SGCZ: variants seen among roughly 807,000 people sequenced by gnomAD.
SGCZ encodes zeta-sarcoglycan.
In SGCZ, 40 loss-of-function variants were observed where a neutral mutation model predicts 41.3. That is an observed-to-expected ratio of 0.97 (90% CI 0.75 to 1.26). The LOEUF (loss-of-function observed/expected upper bound fraction) is 1.26. Ranked by LOEUF, SGCZ falls within the 50% of genes most tolerant of loss-of-function variation. The pLI is 0.00. For synonymous variants in SGCZ, 206 were observed against 137.5 expected, an observed-to-expected ratio of 1.50 and a Z score of -3.49; for missense variants, 552 against 369.8, an observed-to-expected ratio of 1.49 and a Z score of -4.04.
At chr8:15,095,189 C>G (rs1168395727) in intron 1 of SGCZ, among the ~76,000 whole-genome samples, 1 of 152,146 alleles carries the variant, frequency 6.6e-6, no homozygotes, top group African/African-American at 2.4e-5. Flanking sequence ...ACCTCCATCT[C>G]CCGGGTTCAA....
At chr8:14,487,168 A>G (rs971167195) in intron 2 of SGCZ, among the ~76,000 whole-genome samples, 4 of 152,132 alleles carry the variant, frequency 2.6e-5, no homozygotes, top group Non-Finnish European at 5.9e-5. Flanking sequence ...CCTTAGCTGT[A>G]TGATCATGGT....
chr8:14,606,535 CA>C (rs1249384551), intron 1 of SGCZ, among the ~76,000 whole-genome samples: 3 of 152,182 alleles, frequency 2.0e-5, no homozygotes, highest in Non-Finnish European at 4.4e-5. Flanking sequence ...TGGCAGGAAT[CA>C]TATGACTATA....
chr8:14,728,147 C>T (rs1053881673), intron 1 of SGCZ, among the ~76,000 whole-genome samples: 4 of 152,028 alleles, frequency 2.6e-5, no homozygotes, highest in Non-Finnish European at 5.9e-5. Flanking sequence ...ATGTTCGAAA[C>T]TTTGTATGTG....
In SGCZ at chr8:14,329,898, C is replaced by A. The variant is rs142878249; in HGVS notation, c.235-5694G>T. 3.3e-5 allele frequency among the ~76,000 whole-genome samples: 5 copies of A among 152,060 alleles called. No individual in the cohort carries two copies. The East Asian group carries it at 5.8e-4, about 18-fold the overall frequency. On this transcript the variant is annotated intron_variant, in intron 2 of 7. Coordinates refer to ENST00000382080, the MANE Select transcript of SGCZ (RefSeq NM_139167.4). ...TCACTCAACTTATACTTCCACTAAA[C>A]TGTACTGCCAGCAGTTTTTTGTTTG...
chr8:14,808,981 C>CA (rs1159079986), intron 1 of SGCZ, among the ~76,000 whole-genome samples: 3 of 149,118 alleles, frequency 2.0e-5, no homozygotes, highest in Non-Finnish European at 4.4e-5. Flanking sequence ...ATCGCAAGAA[C>CA]AAAAAACCAA....
intron 1 of SGCZ, among the ~76,000 whole-genome samples, chr8:14,630,056 C>T (rs1806594318): frequency 6.6e-6 from 1 of 152,020 alleles, no homozygotes; most frequent in African/African-American, 2.4e-5. Context: ...AATGTCTTTT[C>T]CCCATTCCTT....
At chr8:14,512,905 C>T (rs181501407) in intron 2 of SGCZ, among the ~76,000 whole-genome samples, 1 of 152,160 alleles carries the variant, frequency 6.6e-6, no homozygotes, top group East Asian at 1.9e-4. Flanking sequence ...CTCCCAGCTA[C>T]CTCCCCTGGG....
At chr8:14,110,957 G>A (rs557092825) in intron 5 of SGCZ, among the ~76,000 whole-genome samples, 120 of 152,188 alleles carry the variant, frequency 7.9e-4, no homozygotes, top group Middle Eastern at 6.8e-3. Flanking sequence ...GGGAGGCTGA[G>A]GCAGGAGAAT....
intron 4 of SGCZ, among the ~76,000 whole-genome samples, chr8:14,181,797 C>T (rs1280323621): frequency 6.6e-6 from 1 of 152,206 alleles, no homozygotes; most frequent in Non-Finnish European, 1.5e-5. Context: ...GTCAGTTAAA[C>T]ATCTTCCCTT....
At chr8:14,216,417 C>T (rs1307296129) in intron 4 of SGCZ, among the ~76,000 whole-genome samples, 2 of 148,970 alleles carry the variant, frequency 1.3e-5, no homozygotes, top group Admixed American at 1.4e-4. Context: ...CAGCGTTACT[C>T]GGATAACAAA....
At chr8:14,559,977 C>T (rs1045721693) in intron 1 of SGCZ, among the ~76,000 whole-genome samples, 10 of 151,838 alleles carry the variant, frequency 6.6e-5, no homozygotes, top group Non-Finnish European at 1.2e-4. Flanking sequence ...GATAAGTTGC[C>T]AAGGAATTGA....
Position 14,976,636 on chromosome 8 carries a change from C to A in SGCZ, c.39+260949G>T, listed in dbSNP as rs142135762. ...GTTTCACTTGTAACAACGTCACTTT[C>A]ACCCTAGCAAGAGAATATTTGTGGC... is the stretch of plus-strand genomic sequence containing the variant. On this transcript the variant is annotated intron_variant, in intron 1 of 7. Transcript: ENST00000382080. 2.1e-3 allele frequency among the ~76,000 whole-genome samples: 318 copies of A among 152,244 alleles called. 1 individual carries two copies. The highest frequency in any genetic ancestry group is 7.2e-3 in the African/African-American group (298 of 41,542).
intron 1 of SGCZ, among the ~76,000 whole-genome samples, chr8:15,138,078 G>T (rs1277600329): frequency 6.6e-6 from 1 of 152,206 alleles, no homozygotes; most frequent in African/African-American, 2.4e-5. Context: ...GCATCAGCAT[G>T]ACTTGGCTGT....
chr8:14,189,052 T>C (rs1585214540), intron 4 of SGCZ, among the ~76,000 whole-genome samples: 2 of 144,330 alleles, frequency 1.4e-5, no homozygotes, highest in South Asian at 2.2e-4. Flanking sequence ...AGAGATGGGG[T>C]TTTACTATGT....
chr8:14,896,203 C>G (rs528981780), intron 1 of SGCZ, among the ~76,000 whole-genome samples: 4 of 152,250 alleles, frequency 2.6e-5, no homozygotes, highest in Non-Finnish European at 5.9e-5. Flanking sequence ...ATTGTTAATT[C>G]TCTTCCTCTC....
chr8:15,165,698 T>G (rs961432127), intron 1 of SGCZ, among the ~76,000 whole-genome samples: 1 of 152,182 alleles, frequency 6.6e-6, no homozygotes, highest in Non-Finnish European at 1.5e-5. Flanking sequence ...TGTTTTTTAA[T>G]CAAAGGTTAT....
chr8:15,130,825 G>C (rs1303760475), intron 1 of SGCZ, among the ~76,000 whole-genome samples: 1 of 152,092 alleles, frequency 6.6e-6, no homozygotes, highest in African/African-American at 2.4e-5. Flanking sequence ...GTATACAGAA[G>C]GGATATGAAT....
At chr8:14,479,675 G>C (rs1344184604) in intron 2 of SGCZ, among the ~76,000 whole-genome samples, 2 of 145,936 alleles carry the variant, frequency 1.4e-5, no homozygotes, top group Non-Finnish European at 3.0e-5. Context: ...AATTTAATGT[G>C]ATAAAAACTA....
intron 3 of SGCZ, among the ~76,000 whole-genome samples, chr8:14,313,396 C>A (rs895496209): frequency 6.6e-6 from 1 of 152,184 alleles, no homozygotes. Context: ...TCACTGCATC[C>A]TCCGCCTCCT....
Sources: allele counts gnomAD v4.1 joint callset (sites outside exome capture counted in the v4.1 genomes callset), GRCh38; gene constraint gnomAD v4.1.1; transcripts MANE v1.5; gene names NCBI Gene and HGNC (gene_info 2026-07-23, HGNC 2026-07-21).